The following ARB2A variants were observed in gnomAD, a reference collection of about 807,000 sequenced individuals.
ARB2A encodes ARB2 cotranscriptional regulator A.
At chr5:93,843,501 G>T in the ARB2A span, among the ~76,000 whole-genome samples, 6 of 146,108 alleles carry the variant, frequency 4.1e-5, no homozygotes, top group African/African-American at 1.5e-4. Flanking sequence ...AACTCGCTGT[G>T]AAGCCTTGAC....
the ARB2A span, among the ~76,000 whole-genome samples, chr5:94,097,455 G>T: frequency 6.6e-6 from 1 of 152,202 alleles, no homozygotes; most frequent in Non-Finnish European, 1.5e-5. Flanking sequence ...AAGGGACCCA[G>T]TGGGAGGTAA....
At chr5:93,854,817 G>A in the ARB2A span, among the ~76,000 whole-genome samples, 1 of 152,292 alleles carries the variant, frequency 6.6e-6, no homozygotes, top group East Asian at 1.9e-4. Context: ...ACTGTGGTCT[G>A]AGAGACAGTT....
chr5:93,829,307 T>A, the ARB2A span, among the ~76,000 whole-genome samples: 1 of 152,116 alleles, frequency 6.6e-6, no homozygotes, highest in Non-Finnish European at 1.5e-5. Context: ...TGGGCCCTAT[T>A]TTTCTTGCCT....
the ARB2A span, among the ~76,000 whole-genome samples, chr5:93,689,001 A>G: frequency 6.6e-6 from 1 of 152,306 alleles, no homozygotes; most frequent in African/African-American, 2.4e-5. Flanking sequence ...ATCTAATCAT[A>G]TTATATTCCC....
At chr5:93,934,317 G>A in the ARB2A span, among the ~76,000 whole-genome samples, 3 of 152,028 alleles carry the variant, frequency 2.0e-5, no homozygotes, top group Admixed American at 1.3e-4. Flanking sequence ...CTCAAATTTC[G>A]ACGAAGAAAA....
At chr5:93,841,253 A>G in the ARB2A span, among the ~76,000 whole-genome samples, 1 of 152,194 alleles carries the variant, frequency 6.6e-6, no homozygotes, top group African/African-American at 2.4e-5. Flanking sequence ...GATCAAAAAT[A>G]TTTTTGAAAA....
chr5:94,044,353 T>C, the ARB2A span, among the ~76,000 whole-genome samples: 1 of 152,216 alleles, frequency 6.6e-6, no homozygotes, highest in African/African-American at 2.4e-5. Flanking sequence ...GAACACTTAC[T>C]AATATTCCAG....
the ARB2A span, among the ~76,000 whole-genome samples, chr5:93,855,046 T>C: frequency 6.0e-4 from 92 of 152,286 alleles, 1 homozygote; most frequent in South Asian, 0.018. Flanking sequence ...ATGTCTAATG[T>C]TGATAGTGGG....
chr5:94,055,427 C>A, the ARB2A span, among the ~76,000 whole-genome samples: 2 of 152,150 alleles, frequency 1.3e-5, no homozygotes, highest in African/African-American at 4.8e-5. Context: ...TGTCTACCTT[C>A]AGTCACTAGC....
chr5:93,879,063 A>G, the ARB2A span, among the ~76,000 whole-genome samples: 1 of 152,128 alleles, frequency 6.6e-6, no homozygotes, highest in Non-Finnish European at 1.5e-5. Flanking sequence ...TATATAAATA[A>G]AAGTTAGTTT....
chr5:93,816,027 C>T, the ARB2A span, among the ~76,000 whole-genome samples: 1 of 152,194 alleles, frequency 6.6e-6, no homozygotes, highest in African/African-American at 2.4e-5. Flanking sequence ...CTTCCCTTAA[C>T]AAAGATCAAG....
chr5:93,718,507 C>G, the ARB2A span, among the ~76,000 whole-genome samples: 575 of 151,906 alleles, frequency 3.8e-3, 3 homozygotes, highest in Non-Finnish European at 6.0e-3. Context: ...AATAACAGAA[C>G]GTGGAGAAAA....
the ARB2A span, among the ~76,000 whole-genome samples, chr5:94,072,214 T>C: frequency 2.6e-5 from 4 of 152,202 alleles, no homozygotes; most frequent in African/African-American, 9.6e-5. Flanking sequence ...GAGACAGAGA[T>C]GAAGTTGGCA....
chr5:93,662,204 G>T, the ARB2A span, among the ~76,000 whole-genome samples: 1 of 152,118 alleles, frequency 6.6e-6, no homozygotes, highest in Non-Finnish European at 1.5e-5. Context: ...TTTTCTGTGA[G>T]AATCTTCTTT....
the ARB2A span, among the ~76,000 whole-genome samples, chr5:93,833,056 C>G: frequency 2.0e-5 from 3 of 152,158 alleles, no homozygotes; most frequent in African/African-American, 7.2e-5. Flanking sequence ...TCAGGATTAC[C>G]TGCCAGCTCT....
chr5:93,931,069 A>G, the ARB2A span, among the ~76,000 whole-genome samples: 1 of 152,100 alleles, frequency 6.6e-6, no homozygotes, highest in African/African-American at 2.4e-5. Context: ...CCCACTTATG[A>G]GTAAGAACAT....
At chr5:93,618,255 T>C in the ARB2A span, 1 of 152,062 alleles carries the variant, frequency 6.6e-6, no homozygotes, top group Admixed American at 6.6e-5. Context: ...CAAATATCCA[T>C]GAAAACATTT....
the ARB2A span, among the ~76,000 whole-genome samples, chr5:93,934,668 C>G: frequency 6.6e-6 from 1 of 152,138 alleles, no homozygotes; most frequent in African/African-American, 2.4e-5. Context: ...AAGACAGCCC[C>G]TCTTTTAATA....
chr5:93,958,204 T>C, the ARB2A span, among the ~76,000 whole-genome samples: 1 of 152,092 alleles, frequency 6.6e-6, no homozygotes, highest in African/African-American at 2.4e-5. Context: ...TCATTAAACA[T>C]TACATTTTGC....
Sources: allele counts gnomAD v4.1 joint callset (sites outside exome capture counted in the v4.1 genomes callset), GRCh38; gene constraint gnomAD v4.1.1; transcripts MANE v1.5; gene names NCBI Gene and HGNC (gene_info 2026-07-23, HGNC 2026-07-21).